Variants in ZNF219 observed in about 807,000 individuals in gnomAD.
The protein encoded by ZNF219 is zinc finger protein 219.
ZNF219 carries 17 observed loss-of-function variants against 54.4 expected under a neutral mutation model. The observed-to-expected ratio is 0.31, with a 90% CI of 0.21 to 0.47. ZNF219 has a LOEUF of 0.47. Ranked by LOEUF, ZNF219 falls within the 20% of genes least tolerant of loss-of-function variation. The pLI, the probability that ZNF219 is intolerant of heterozygous loss-of-function variation, is 1.00. For missense variants in ZNF219, 1,014 were observed against 1,062.3 expected, an observed-to-expected ratio of 0.95 and a Z score of 0.63; for synonymous variants, 518 against 476.4, an observed-to-expected ratio of 1.09 and a Z score of -1.14.
Position 21,092,274 on chromosome 14 carries a change from G to C in ZNF219, c.1023C>G (p.Ala341=). ...LRAPGPASGP[A]RAPQPPDLGL... ...CGAGGTCAGGAGGCTGGGGGGCGCG[G>C]GCAGGCCCGGAGGCAGGCCCCGGGG... Residue 341 remains alanine (A), a synonymous_variant, in exon 3 of 5, where the codon GCC becomes GCG. Coordinates refer to ENST00000360947, the MANE Select transcript of ZNF219 (RefSeq NM_016423.3). 6.7e-7 allele frequency: 1 copy of C among 1,488,486 alleles called. No individual in the cohort carries two copies. The highest frequency in any genetic ancestry group is 8.9e-7 in the Non-Finnish European group (1 of 1,121,574). The allele number at this position is 1,488,486 out of a possible 1,614,324, so 92.2% of individuals were successfully genotyped here.
At chr14:21,103,891 T>C (rs531314107), upstream of ZNF219, 11 of 152,412 alleles carry the variant, frequency 7.2e-5, no homozygotes, top group African/African-American at 2.6e-4. Context: ...TGGATCTGGG[T>C]CCCCAGCCCT....
upstream of ZNF219, chr14:21,102,982 AG>A: frequency 7.3e-7 from 1 of 1,370,920 alleles, no homozygotes. Context: ...CAAATGATTG[AG>A]GTTAAAAGAG....
chr14:21,098,813 G>T (rs1211584007), upstream of ZNF219: 1 of 1,288,030 alleles, frequency 7.8e-7, no homozygotes, highest in Non-Finnish European at 1.0e-6. Context: ...GGACATACCA[G>T]GGAAGGAGTT....
chr14:21,092,889 T>A lies in ZNF219; in HGVS notation c.408A>T (p.Arg136Ser), dbSNP rs537821274. Reference protein sequence around the residue: ...RALLREARLGRARSSGGMQAT... With the variant: ...RALLREARLGSARSSGGMQAT... ...CCTGCATGCCCCCTGAGCTTCGGGC[T>A]CTCCCCAGTCGGGCCTCGCGTAGTA... The change falls in exon 3 of 5, where the codon AGA (arginine) becomes AGT (serine). Residue 136 changes from arginine (R) to serine (S), a missense_variant. This residue lies in a region of ZNF219 where 395 missense variants were observed against 415.1 expected (regional missense o/e 0.95). Coordinates refer to ENST00000360947, the MANE Select transcript of ZNF219 (RefSeq NM_016423.3). 2 of 1,545,226 alleles carry A rather than the reference T, an allele frequency of 1.3e-6. No individual in the cohort carries two copies. Among genetic ancestry groups the A allele is most frequent in the Non-Finnish European group, 1.7e-6 (2 of 1,146,852 alleles).
upstream of ZNF219, chr14:21,101,886 G>C (rs1294131456): frequency 6.4e-7 from 1 of 1,551,602 alleles, no homozygotes; most frequent in African/African-American, 1.4e-5. Context: ...ATGGCTGGCA[G>C]TGGTTGTGGT....
chr14:21,098,430 CCCCCCGCCCCCGGCCCGG>C lies in ZNF219; in HGVS notation c.-220_-203del. The C allele has an allele frequency of 2.6e-5, 16 of 622,938 alleles. No homozygotes were observed. Among genetic ancestry groups the C allele is most frequent in the Non-Finnish European group, 3.2e-5 (16 of 503,800 alleles). 38.6% of individuals were successfully genotyped at this position (622,938 alleles called of 1,614,324 possible). ...CGGGGGAGATGCGCCGGGCCCCGGC[CCCCCCGCCCCCGGCCCGG>C]CCCCCGCCCCCTCCCCGGTCCCCCG... On this transcript the variant is annotated 5_prime_UTR_variant, in exon 1 of 5. Coordinates refer to ENST00000360947, the MANE Select transcript of ZNF219 (RefSeq NM_016423.3).
chr14:21,102,271 G>C (rs547733732), upstream of ZNF219: 57 of 1,405,448 alleles, frequency 4.1e-5, no homozygotes, highest in Non-Finnish European at 4.9e-5. Context: ...AAGCAAAAAA[G>C]TTAAGAGGGC....
chr14:21,103,074 G>C, upstream of ZNF219: 1 of 1,550,400 alleles, frequency 6.4e-7, no homozygotes. Context: ...GGAAGCAGTT[G>C]TTTCTGTCTG....
rs1436730395 is a variant in ZNF219 at position 21,093,086 on chromosome 14, T to TGAA, written c.210_211insTTC (p.Ser70_Ile71insPhe). Reference sequence around the variant, plus strand: ...TGCGCCCGCAGGTGCAAAGCAAGGATAGAGTTGAAGCGGAAGCGCTTCCCG... The same window carrying TGAA: ...TGCGCCCGCAGGTGCAAAGCAAGGATGAAAGAGTTGAAGCGGAAGCGCTTCCCG... On this transcript the variant is annotated inframe_insertion, in exon 3 of 5. Transcript: ENST00000360947. 63 of 1,605,812 alleles carry TGAA rather than the reference T, an allele frequency of 3.9e-5. No homozygotes were observed. Among genetic ancestry groups the TGAA allele is most frequent in the Non-Finnish European group, 5.4e-5 (63 of 1,177,358 alleles).
upstream of ZNF219, chr14:21,101,744 G>T (rs1391492855): frequency 2.6e-6 from 2 of 780,772 alleles, no homozygotes; most frequent in Non-Finnish European, 4.1e-6. Context: ...CTTGCTCTGG[G>T]TTGACTGCTT....
In ZNF219 at chr14:21,090,185, G is replaced by T. The variant is rs1236719444; in HGVS notation, c.*351C>A. On this transcript the variant is annotated 3_prime_UTR_variant, in exon 5 of 5. Transcript: ENST00000360947. This position sits in a 1 kb window ranked among gnomAD's most constrained non-coding sequence, Gnocchi z 4.4. ...CAGGGCCCCTGATGGGGCTAGAAGG[G>T]TACAGTGCCCCCCACCCTCACCCCT... The T allele has an allele frequency of 7.1e-5, 38 of 538,614 alleles. No individual in the cohort carries two copies. The Admixed American group carries it at 8.5e-4, about 12-fold the overall frequency. 33.4% of individuals were successfully genotyped at this position (538,614 alleles called of 1,614,324 possible).
rs1374250950 is a variant in ZNF219 at position 21,091,917 on chromosome 14, C to G, written c.1380G>C (p.Pro460=). The change falls in exon 3 of 5, where the codon CCG becomes CCC. Residue 460 remains proline, a synonymous_variant. Transcript: ENST00000360947. ...ASLHPRPGEG[P]GHSASAAGAQ... The stretch of plus-strand genomic sequence containing the variant: ...CCCCAGCAGCAGAGGCAGAGTGCCC[C>G]GGTCCCTCACCCGGGCGCGGGTGCA... The G allele has an allele frequency of 6.3e-7, 1 of 1,599,204 alleles. No individual in the cohort carries two copies. Among genetic ancestry groups the G allele is most frequent in the Non-Finnish European group, 8.5e-7 (1 of 1,173,976 alleles).
intron 1 of ZNF219, among the ~76,000 whole-genome samples, chr14:21,096,799 G>A (rs115279178): frequency 0.029 from 4,451 of 152,320 alleles, 85 homozygotes; most frequent in African/African-American, 0.057. Flanking sequence ...TTGGTGAAAA[G>A]ACTTAGAAAC....
chr14:21,092,599 TG>T lies in ZNF219; in HGVS notation c.697del (p.Gln233SerfsTer89). The T allele has an allele frequency of 1.0e-6, 1 of 991,084 alleles. No homozygotes were observed. Among genetic ancestry groups the T allele is most frequent in the Admixed American group, 4.9e-5 (1 of 20,476 alleles). The allele number at this position is 991,084 out of a possible 1,614,324, so 61.4% of individuals were successfully genotyped here. On this transcript the variant is annotated frameshift_variant, in exon 3 of 5. Transcript: ENST00000360947. LOFTEE classifies it high-confidence loss of function. ...SAAPPPQPQP[Q>X]PPPQPEPRSV... ...TCTGGGTTCGGGCTGGGGTGGAGGCTGAGGCTGAGGCTGAGGCGGAGGCGCA... is the reference window on the plus strand; with the variant it reads ...TCTGGGTTCGGGCTGGGGTGGAGGCTAGGCTGAGGCTGAGGCGGAGGCGCA...
rs544165322 is a variant in ZNF219, at chr14:21,092,034, G to A, written c.1263C>T (p.His421=). The A allele has an allele frequency of 2.6e-6, 4 of 1,548,856 alleles. No individual in the cohort carries two copies. In the East Asian group the frequency reaches 9.8e-5, roughly 38 times the overall value. The change falls in exon 3 of 5, where the codon CAC becomes CAT. Residue 421 remains histidine, a synonymous_variant. Coordinates refer to ENST00000360947, the MANE Select transcript of ZNF219 (RefSeq NM_016423.3). ...CTTCTTCCTCAGGCTCCTCCGCACG[G>A]TGCCGGCGAGCCCGGGCCGGGAGAG... ...SSALPARARR[H]RAEEPEEEEE...
At chr14:21,104,049 A>C (rs1268194834) in intron 1 of ZNF219, 1 of 152,220 alleles carries the variant, frequency 6.6e-6, no homozygotes, top group African/African-American at 2.4e-5. Context: ...GGGGTTGGAG[A>C]TGATGAGTCA....
upstream of ZNF219, chr14:21,103,160 G>T: frequency 1.3e-6 from 2 of 1,551,680 alleles, no homozygotes; most frequent in South Asian, 2.4e-5. Flanking sequence ...GTTGGAAGAG[G>T]TTCCTGGTTT....
chr14:21,091,315 G>A (rs1393091502), intron 4 of ZNF219, 96 bp downstream of exon 4: 4 of 1,525,074 alleles, frequency 2.6e-6, no homozygotes, highest in Non-Finnish European at 3.5e-6. Context: ...CCAAACTGAA[G>A]GCTTCGGAAC....
At chr14:21,094,161 TCTCC>T (rs1395203736) in intron 1 of ZNF219, among the ~76,000 whole-genome samples, 1 of 152,058 alleles carries the variant, frequency 6.6e-6, no homozygotes, top group Admixed American at 6.6e-5. Context: ...CCCCCCTCAT[TCTCC>T]CTCCCTCCGC....
Sources: gnomAD v4.1 joint callset for allele counts (sites outside exome capture counted in the v4.1 genomes callset) on GRCh38, gnomAD v4.1.1 for gene constraint, gnomAD v4.1.1 regional missense constraint, Gnocchi (gnomAD v3.1) non-coding constraint, MANE v1.5 for transcripts, NCBI Gene and HGNC (gene_info 2026-07-23, HGNC 2026-07-21) for gene names.